The following GOLM1 variants were observed in gnomAD, a reference collection of about 807,000 sequenced individuals.
The protein encoded by GOLM1 is golgi membrane protein 1, also known as epididymis luminal protein 46.
In GOLM1, 31 loss-of-function variants were observed where a neutral mutation model predicts 50.5. That is an observed-to-expected ratio of 0.61 (90% CI 0.46 to 0.83). GOLM1 has a LOEUF of 0.83. GOLM1 is among the 40% of genes least tolerant of loss of function. GOLM1 has a pLI of 0.00. For synonymous variants in GOLM1, 178 were observed against 192.8 expected, an observed-to-expected ratio of 0.92 and a Z score of 0.64; for missense variants, 491 against 501.3, an observed-to-expected ratio of 0.98 and a Z score of 0.20.
At chr9:86,029,935 G>T (rs113692956) in intron 9 of GOLM1, among the ~76,000 whole-genome samples, 60 of 152,326 alleles carry the variant, frequency 3.9e-4, no homozygotes, top group African/African-American at 1.3e-3. Flanking sequence ...GGTTAGAGCC[G>T]GGGTGGTGGC....
chr9:86,051,268 A>C (rs1833741280), intron 4 of GOLM1, among the ~76,000 whole-genome samples: 1 of 152,198 alleles, frequency 6.6e-6, no homozygotes, highest in Non-Finnish European at 1.5e-5. Context: ...TTTGCTGAGG[A>C]GTGCTTTACT....
rs1277644980 is a variant in GOLM1, at chr9:86,046,523, G to A, written c.414C>T (p.Val138=). ...TGGTCTGGTTCTTCTGAAACTGGAG[G>A]ACATCCTGCTGCAGCCTGCCGTAAT... ...QRNYGRLQQD[V]LQFQKNQTNL... is the part of the protein sequence containing the mutation. Residue 138 remains valine (V), a synonymous_variant, in exon 5 of 10, where the codon GTC becomes GTT. Transcript: ENST00000388712. 6.2e-7 allele frequency: 1 copy of A among 1,613,642 alleles called. No homozygotes were observed. The highest frequency in any genetic ancestry group is 1.3e-5 in the African/African-American group (1 of 75,034).
At chr9:86,084,034 G>A (rs916933383) in intron 1 of GOLM1, among the ~76,000 whole-genome samples, 3 of 152,132 alleles carry the variant, frequency 2.0e-5, no homozygotes, top group Non-Finnish European at 4.4e-5. Flanking sequence ...AATGCCCAAT[G>A]TTATCTGAAT....
chr9:86,079,343 TGCCAAGTAAAA>T lies in GOLM1; in HGVS notation c.-21-13_-21-3del. On this transcript the variant is annotated splice_polypyrimidine_tract_variant and splice_region_variant and intron_variant, in intron 1 of 9. Transcript: ENST00000388712. ...CATCTCAAAATCAGCGCTGAGAATCTGCCAAGTAAAAGCAAATAAATAAACATCAATACTAG... is the reference window on the plus strand; with the variant it reads ...CATCTCAAAATCAGCGCTGAGAATCTGCAAATAAATAAACATCAATACTAG... The T allele has an allele frequency of 6.4e-7, 1 of 1,567,350 alleles. No individual in the cohort carries two copies. The highest frequency in any genetic ancestry group is 1.2e-5 in the South Asian group (1 of 86,954).
intron 3 of GOLM1, among the ~76,000 whole-genome samples, chr9:86,075,365 C>T (rs947870949): frequency 1.3e-5 from 2 of 152,214 alleles, no homozygotes; most frequent in Non-Finnish European, 2.9e-5. Context: ...ATCATGGCCT[C>T]GACTGCCGTT....
rs745694988 is a variant in GOLM1, at chr9:86,035,571, G to A, written c.812C>T (p.Pro271Leu). ...CACCTGCTCCCGGCCTGGCTCCTGCGGCAGCCTGTCCCTCTGAGGCTCCTC... is the reference window on the plus strand; with the variant it reads ...CACCTGCTCCCGGCCTGGCTCCTGCAGCAGCCTGTCCCTCTGAGGCTCCTC... ...VNEEPQRDRLPQEPGREQVVE... is the reference protein window; with the variant it reads ...VNEEPQRDRLLQEPGREQVVE... The change falls in exon 8 of 10, where the codon CCG becomes CTG. Residue 271 changes from proline (P) to leucine (L), a missense_variant. By Grantham distance (98) the Pro-to-Leu change is moderately conservative. Transcript: ENST00000388712. 70 of 1,608,008 alleles carry A rather than the reference G, an allele frequency of 4.4e-5. No homozygotes were observed. The highest frequency in any genetic ancestry group is 5.3e-5 in the Non-Finnish European group (63 of 1,179,310).
chr9:86,028,391 A>T (rs1832853538), intron 9 of GOLM1, among the ~76,000 whole-genome samples: 1 of 152,170 alleles, frequency 6.6e-6, no homozygotes, highest in African/African-American at 2.4e-5. Flanking sequence ...ACAGTAGGAG[A>T]TCCCGGCTGC....
chr9:86,092,777 C>T (rs10868372), intron 1 of GOLM1, among the ~76,000 whole-genome samples: 108,570 of 152,098 alleles, frequency 0.71, 39,394 homozygotes, highest in African/African-American at 0.84. Flanking sequence ...ATGATCAAGA[C>T]TGATGAAGGC....
In GOLM1 at chr9:86,052,523, C is replaced by T. The variant is rs556897958; in HGVS notation, c.364+14G>A. ...AAGGCCAGTGCCTGGTGTGGAGGAG[C>T]GAGCGGAACTTACCTTGCAGCACTC... On this transcript the variant is annotated intron_variant, in intron 4 of 9. Coordinates refer to ENST00000388712, the MANE Select transcript of GOLM1 (RefSeq NM_016548.4). The T allele has an allele frequency of 1.4e-5, 23 of 1,612,348 alleles. No individual in the cohort carries two copies. The East Asian group carries it at 2.5e-4, about 17-fold the overall frequency.
intron 1 of GOLM1, among the ~76,000 whole-genome samples, chr9:86,095,856 T>G (rs1835341943): frequency 1.3e-5 from 2 of 152,230 alleles, no homozygotes; most frequent in African/African-American, 4.8e-5. Context: ...TAGATGTCAG[T>G]TTAGCTACCT....
In GOLM1 at chr9:86,026,220, T is replaced by C. The variant is rs968595007; in HGVS notation, c.*1597A>G. The stretch of plus-strand genomic sequence containing the variant: ...AAACATGAGATGAATAGAGACTTTA[T>C]TGAGAAAGCAAGAGAAAATTCCTAT... On this transcript the variant is annotated 3_prime_UTR_variant, in exon 10 of 10. Transcript: ENST00000388712. 7 of 982,772 alleles carry C rather than the reference T, an allele frequency of 7.1e-6. No homozygotes were observed. The highest frequency in any genetic ancestry group is 5.2e-5 in the African/African-American group (3 of 57,148). 60.9% of individuals were successfully genotyped at this position (982,772 alleles called of 1,614,324 possible). A position where few individuals can be genotyped will look rare whatever the true frequency, so the allele number is the denominator to read the frequency against.
At chr9:86,089,448 T>TC (rs952440226) in intron 1 of GOLM1, among the ~76,000 whole-genome samples, 1 of 152,172 alleles carries the variant, frequency 6.6e-6, no homozygotes, top group African/African-American at 2.4e-5. Flanking sequence ...GAGGCTTTGT[T>TC]CATTCCTTTT....
chr9:86,047,651 G>A (rs1221193429), intron 4 of GOLM1, among the ~76,000 whole-genome samples: 1 of 152,124 alleles, frequency 6.6e-6, no homozygotes, highest in Non-Finnish European at 1.5e-5. Context: ...CTGTACCCAC[G>A]AGGGGTAAAT....
intron 1 of GOLM1, among the ~76,000 whole-genome samples, chr9:86,086,792 G>A (rs780423258): frequency 9.9e-5 from 15 of 152,138 alleles, no homozygotes. Context: ...TGAGCCCTCT[G>A]TTCTGTTCCA....
intron 3 of GOLM1, among the ~76,000 whole-genome samples, chr9:86,058,735 G>T (rs1337369489): frequency 6.8e-6 from 1 of 147,726 alleles, no homozygotes; most frequent in Non-Finnish European, 1.5e-5. Flanking sequence ...GGTGGCTCAC[G>T]CCTGTAATCC....
intron 1 of GOLM1, among the ~76,000 whole-genome samples, chr9:86,096,110 C>G (rs1018259913): frequency 2.0e-5 from 3 of 151,546 alleles, no homozygotes; most frequent in African/African-American, 4.9e-5. Context: ...TATGTAAAAC[C>G]TTTTGTTGTG....
intron 4 of GOLM1, among the ~76,000 whole-genome samples, chr9:86,047,182 G>C (rs1833575428): frequency 6.6e-6 from 1 of 152,122 alleles, no homozygotes; most frequent in Non-Finnish European, 1.5e-5. Context: ...CCCCATCCCT[G>C]CTGCCCTGAT....
At chr9:86,039,433 C>T (rs1204464920) in intron 6 of GOLM1, among the ~76,000 whole-genome samples, 2 of 152,220 alleles carry the variant, frequency 1.3e-5, no homozygotes, top group Non-Finnish European at 2.9e-5. Context: ...TATAACCCAG[C>T]AGTTCCACTC....
Position 86,046,467 on chromosome 9 carries a change from C to T in GOLM1, c.467+3G>A, listed in dbSNP as rs116356059. 2,530 of 1,580,608 alleles carry T rather than the reference C, an allele frequency of 1.6e-3. 40 individuals are homozygous for T. The African/African-American group carries it at 0.029, about 18-fold the overall frequency. ...TGTGGCACGCGCTCTGAGGTGTACTCACAGGTCGTAGGAGAACTTCCTCTC... is the reference window on the plus strand; with the variant it reads ...TGTGGCACGCGCTCTGAGGTGTACTTACAGGTCGTAGGAGAACTTCCTCTC... On this transcript the variant is annotated splice_donor_region_variant and intron_variant, in intron 5 of 9. Transcript: ENST00000388712.
Sources: gnomAD v4.1 joint callset for allele counts (sites outside exome capture counted in the v4.1 genomes callset) on GRCh38, gnomAD v4.1.1 for gene constraint, MANE v1.5 for transcripts, NCBI Gene and HGNC (gene_info 2026-07-23, HGNC 2026-07-21) for gene names.